Variants in TBCD observed in about 807,000 individuals in gnomAD.
TBCD encodes tubulin folding cofactor D, also known as tubulin-specific chaperone D.
Under a neutral mutation model 169.3 loss-of-function variants are expected in TBCD, and 105 were observed. The ratio of observed to expected loss-of-function variants is 0.62; its 90% confidence interval spans 0.53 to 0.73. The LOEUF (loss-of-function observed/expected upper bound fraction) is 0.73. Among genes scored for constraint, TBCD ranks in the 30% least tolerant of loss-of-function variants. The pLI, the probability that TBCD is intolerant of heterozygous loss-of-function variation, is 0.00. For synonymous variants in TBCD, 700 were observed against 643.9 expected, an observed-to-expected ratio of 1.09 and a Z score of -1.32; for missense variants, 1,444 against 1,600.1, an observed-to-expected ratio of 0.90 and a Z score of 1.66.
At chr17:82,887,180 C>CACGT (rs2058812224) in intron 15 of TBCD, among the ~76,000 whole-genome samples, 1 of 110,354 alleles carries the variant, frequency 9.1e-6, no homozygotes, top group South Asian at 2.9e-4. Flanking sequence ...CGCGCGCGCG[C>CACGT]ACGTGCGCTC....
intron 13 of TBCD, among the ~76,000 whole-genome samples, chr17:82,822,929 G>A (rs1433146165): frequency 6.6e-6 from 1 of 152,196 alleles, no homozygotes; most frequent in Non-Finnish European, 1.5e-5. Flanking sequence ...CGGGTTCCCA[G>A]GCTCACTGGC....
At chr17:82,907,900 C>A in intron 21 of TBCD, 79 bp downstream of exon 21, 1 of 1,458,956 alleles carries the variant, frequency 6.9e-7, no homozygotes, top group South Asian at 1.2e-5. Context: ...CCTCCCCAGG[C>A]AGGGTCTGCA....
At chr17:82,805,624 C>A (rs1404938553) in intron 9 of TBCD, among the ~76,000 whole-genome samples, 2 of 152,196 alleles carry the variant, frequency 1.3e-5, no homozygotes, top group Non-Finnish European at 2.9e-5. Flanking sequence ...CTGACTTTCC[C>A]TAATCAAAGC....
At chr17:82,788,279 G>A (rs2049451745) in intron 7 of TBCD, among the ~76,000 whole-genome samples, 1 of 152,130 alleles carries the variant, frequency 6.6e-6, no homozygotes, top group Non-Finnish European at 1.5e-5. Context: ...CATTTCATGT[G>A]TGACTCTGCT....
intron 7 of TBCD, among the ~76,000 whole-genome samples, chr17:82,786,685 C>T (rs1465385629): frequency 6.6e-6 from 1 of 152,152 alleles, no homozygotes; most frequent in African/African-American, 2.4e-5. Context: ...GGCTGTGGGC[C>T]ACTGCGTTCA....
intron 14 of TBCD, among the ~76,000 whole-genome samples, chr17:82,878,878 C>G (rs542802086): frequency 2.0e-5 from 3 of 152,110 alleles, no homozygotes; most frequent in Non-Finnish European, 1.5e-5. Context: ...TTTCATCATT[C>G]GCTCCTGCCA....
intron 35 of TBCD, 200 bp downstream of exon 35, chr17:82,937,560 C>T (rs918307067): frequency 4.7e-5 from 29 of 615,568 alleles, no homozygotes; most frequent in Non-Finnish European, 6.6e-5. Flanking sequence ...GGAGTTCCCG[C>T]GGGAACAGGC....
At chr17:82,866,916 C>T (rs1049428750) in intron 13 of TBCD, among the ~76,000 whole-genome samples, 21 of 152,222 alleles carry the variant, frequency 1.4e-4, no homozygotes, top group Admixed American at 3.9e-4. Context: ...CTGGCTGGAC[C>T]TCCTAGGCCA....
intron 36 of TBCD, 87 bp from the exon 37 acceptor site, chr17:82,939,280 C>T (rs532858201): frequency 5.4e-5 from 58 of 1,069,668 alleles, no homozygotes; most frequent in East Asian, 2.3e-4. Flanking sequence ...CTTCCACTGA[C>T]GGGGCTCCCT....
In TBCD at chr17:82,877,880, TAG is replaced by T. The variant is rs538633402; in HGVS notation, c.1476-6262_1476-6261del. Among the ~76,000 whole-genome samples, 8 of 152,238 alleles carry T rather than the reference TAG, an allele frequency of 5.3e-5. No homozygotes were observed. The South Asian group carries it at 1.4e-3, about 28-fold the overall frequency. ...GGAAAATGGAGTGCTTTTCTGTTCA[TAG>T]AGTTTTTCTGAAATTAAAGTCAAAA... On this transcript the variant is annotated intron_variant, in intron 14 of 38. Transcript: ENST00000355528.
intron 13 of TBCD, among the ~76,000 whole-genome samples, chr17:82,866,164 C>T (rs182328576): frequency 6.6e-6 from 1 of 152,278 alleles, no homozygotes; most frequent in East Asian, 1.9e-4. Flanking sequence ...CCTCCCCGAG[C>T]TTTGTGGTCG....
chr17:82,906,772 G>A (rs957226154), intron 20 of TBCD, among the ~76,000 whole-genome samples: 3 of 152,396 alleles, frequency 2.0e-5, no homozygotes, highest in Admixed American at 2.0e-4. Flanking sequence ...GCCCAAGCCT[G>A]AGGAAGCTCT....
chr17:82,752,508 G>T, intron 1 of TBCD, 131 bp downstream of exon 1: 1 of 755,840 alleles, frequency 1.3e-6, no homozygotes, highest in Non-Finnish European at 1.7e-6. Flanking sequence ...GCGCGGTCCC[G>T]CGGGCCGTGG....
Position 82,819,012 on chromosome 17 carries a change from C to T in TBCD, c.1318+4078C>T, listed in dbSNP as rs529708759. ...GGCAGAGGTTGCAGTGAACCGAGAT[C>T]GCACCACTGCACTCCAGCCTGGGTG... On this transcript the variant is annotated intron_variant, in intron 13 of 38. Transcript: ENST00000355528. Among the ~76,000 whole-genome samples, 8 of 152,086 alleles carry T rather than the reference C, an allele frequency of 5.3e-5. No individual in the cohort carries two copies. The East Asian group carries it at 9.7e-4, about 18-fold the overall frequency.
chr17:82,926,763 C>A (rs2061794557), intron 28 of TBCD: 2 of 554,222 alleles, frequency 3.6e-6, no homozygotes, highest in South Asian at 4.4e-5. Flanking sequence ...GAGGAGCTGA[C>A]CCTGCCAGCC....
chr17:82,930,299 C>T lies in TBCD; in HGVS notation c.2992-223C>T. 1 of 585,364 alleles carries T rather than the reference C, an allele frequency of 1.7e-6. No individual in the cohort carries two copies. The highest frequency in any genetic ancestry group is 2.9e-6 in the Non-Finnish European group (1 of 339,178). The allele number at this position is 585,364 out of a possible 1,614,324, so 36.3% of individuals were successfully genotyped here. On this transcript the variant is annotated intron_variant, in intron 32 of 38. Transcript: ENST00000355528. The surrounding 1 kb of genome is among the most constrained non-coding windows in gnomAD (Gnocchi z 5.2). ...CTCCCGCATGTCCTAAGTGAGGGCT[C>T]AGGCTGAGCTGCCGTTGCCGAGAGC...
intron 13 of TBCD, chr17:82,860,584 A>C (rs8074086): frequency 0.24 from 78,980 of 332,422 alleles, 10,067 homozygotes; most frequent in East Asian, 0.45. Context: ...GCCACACTGG[A>C]ATCCAGTGCC....
intron 13 of TBCD, among the ~76,000 whole-genome samples, chr17:82,817,399 C>T (rs547474215): frequency 2.0e-5 from 3 of 152,322 alleles, no homozygotes; most frequent in South Asian, 4.1e-4. Flanking sequence ...CAGGCTCAGG[C>T]GGTCTGCCTA....
At chr17:82,859,744 G>A (rs182858151) in intron 13 of TBCD, 1 of 985,340 alleles carries the variant, frequency 1.0e-6, no homozygotes, top group African/African-American at 1.7e-5. Flanking sequence ...CACAGTGGGG[G>A]CTGCTGCCCA....
Sources: allele counts gnomAD v4.1 joint callset (sites outside exome capture counted in the v4.1 genomes callset), GRCh38; gene constraint gnomAD v4.1.1; non-coding constraint Gnocchi (gnomAD v3.1); transcripts MANE v1.5; gene names NCBI Gene and HGNC (gene_info 2026-07-23, HGNC 2026-07-21).